CLPB: variants seen among roughly 807,000 people sequenced by gnomAD.
CLPB encodes mitochondrial disaggregase.
A neutral mutation model predicts 78.4 loss-of-function variants in CLPB; 40 were observed. The observed-to-expected ratio is 0.51, with a 90% CI of 0.40 to 0.66. CLPB has a LOEUF of 0.66. Among genes scored for constraint, CLPB ranks in the 30% least tolerant of loss-of-function variants. The pLI is 0.00. For missense variants in CLPB, 780 were observed against 886.9 expected (o/e 0.88, Z 1.53); for synonymous variants, 333 against 348.0 (o/e 0.96, Z 0.48).
intron 6 of CLPB, among the ~76,000 whole-genome samples, chr11:72,321,297 C>T (rs1289763700): frequency 2.6e-5 from 4 of 152,086 alleles, no homozygotes; most frequent in Non-Finnish European, 4.4e-5. Context: ...TGAGAGGCAC[C>T]GTAAAGGAGC....
chr11:72,295,927 T>C (rs1949544037), intron 11 of CLPB, among the ~76,000 whole-genome samples: 1 of 152,226 alleles, frequency 6.6e-6, no homozygotes, highest in South Asian at 2.1e-4. Context: ...CAACTATCCC[T>C]GGCATGCAGA....
chr11:72,387,659 TA>T (rs1222908564), intron 3 of CLPB, among the ~76,000 whole-genome samples: 249 of 141,564 alleles, frequency 1.8e-3, no homozygotes, highest in Admixed American at 2.0e-3. Context: ...CCTGACACAT[TA>T]AAAAAAAAAA....
chr11:72,428,340 G>C (rs987908126), intron 2 of CLPB, among the ~76,000 whole-genome samples: 14 of 152,110 alleles, frequency 9.2e-5, no homozygotes, highest in African/African-American at 3.4e-4. Flanking sequence ...GCCTTAACTG[G>C]GTCATTCCCC....
intron 5 of CLPB, among the ~76,000 whole-genome samples, chr11:72,333,690 C>T (rs543305666): frequency 2.0e-5 from 3 of 152,240 alleles, no homozygotes; most frequent in South Asian, 2.1e-4. Flanking sequence ...GAGGGACAGG[C>T]GGCACTGGGG....
chr11:72,400,223 G>C (rs1032581837), intron 3 of CLPB, among the ~76,000 whole-genome samples: 3 of 150,658 alleles, frequency 2.0e-5, no homozygotes, highest in Admixed American at 2.0e-4. Context: ...AACAGTAGGG[G>C]CCAAAAAAAA....
chr11:72,374,140 G>A (rs1951096832), intron 4 of CLPB, among the ~76,000 whole-genome samples: 2 of 152,238 alleles, frequency 1.3e-5, no homozygotes, highest in Middle Eastern at 6.8e-3. Context: ...AGTACCCCTT[G>A]AGTGGTGAGT....
At chr11:72,317,312 G>A in intron 6 of CLPB, 92 bp from the exon 7 acceptor site, 2 of 861,738 alleles carry the variant, frequency 2.3e-6, no homozygotes, top group Non-Finnish European at 3.5e-6. Context: ...ACACAGGTCT[G>A]GGTATCCAGG....
Position 72,289,249 on chromosome 11 carries a change from A to T in CLPB, c.*4118T>A, listed in dbSNP as rs890144504. 13 of 152,128 alleles carry T rather than the reference A, an allele frequency of 8.5e-5. No homozygotes were observed. The highest frequency in any genetic ancestry group is 1.8e-4 in the Non-Finnish European group (12 of 68,028). 9.4% of individuals were successfully genotyped at this position (152,128 alleles called of 1,614,324 possible). A position where few individuals can be genotyped will look rare whatever the true frequency, so the allele number is the denominator to read the frequency against. On this transcript the variant is annotated 3_prime_UTR_variant, in exon 16 of 16. Transcript: ENST00000538039. ...GGTTCTACCCCTGTCTCCTTATCCTATTCTCAGGAAGGTGGCCATTGGCTT... is the reference window on the plus strand; with the variant it reads ...GGTTCTACCCCTGTCTCCTTATCCTTTTCTCAGGAAGGTGGCCATTGGCTT...
In CLPB at chr11:72,336,035, G is replaced by A. The variant is rs374770411; in HGVS notation, c.776-6231C>T. ...GCGAAGTGGGGAAGAAGTGGTTGGAGAGAGAGGCCCACCTGCCTTTCCTAG... is the reference window on the plus strand; with the variant it reads ...GCGAAGTGGGGAAGAAGTGGTTGGAAAGAGAGGCCCACCTGCCTTTCCTAG... On this transcript the variant is annotated intron_variant, in intron 5 of 15. Transcript: ENST00000538039. Among the ~76,000 whole-genome samples the A allele has an allele frequency of 5.3e-5, 8 of 152,152 alleles. No homozygotes were observed. In the East Asian group the frequency reaches 1.6e-3, roughly 30 times the overall value.
rs182621183 is a variant in CLPB at position 72,324,581 on chromosome 11, T to G, written c.873+5126A>C. Among the ~76,000 whole-genome samples the G allele has an allele frequency of 5.3e-3, 795 of 151,246 alleles. 35 individuals carry two copies. Among genetic ancestry groups the G allele is most frequent in the Non-Finnish European group, 1.1e-3 (72 of 67,750 alleles). ...CTTCATCTCAAAAAAAAGAAAAAAA[T>G]AAAAATAAATAAAAGTTAAAAAAAG... On this transcript the variant is annotated intron_variant, in intron 6 of 15. Coordinates refer to ENST00000538039, the MANE Select transcript of CLPB (RefSeq NM_001258392.3).
At chr11:72,391,701 C>A (rs1025949038) in intron 3 of CLPB, among the ~76,000 whole-genome samples, 1 of 152,164 alleles carries the variant, frequency 6.6e-6, no homozygotes, top group Non-Finnish European at 1.5e-5. Context: ...ATGTTCCTCT[C>A]CTGAACAGTA....
intron 5 of CLPB, among the ~76,000 whole-genome samples, chr11:72,330,860 G>A (rs2135551689): frequency 6.6e-6 from 1 of 152,244 alleles, no homozygotes; most frequent in African/African-American, 2.4e-5. Context: ...ACTGTCTGAA[G>A]TAAAGAAGGT....
At chr11:72,305,270 C>G (rs182367168) in intron 9 of CLPB, among the ~76,000 whole-genome samples, 75 of 152,308 alleles carry the variant, frequency 4.9e-4, no homozygotes, top group African/African-American at 1.7e-3. Flanking sequence ...CCTAAGAATG[C>G]TGTAGGGCCT....
intron 10 of CLPB, 42 bp downstream of exon 10, chr11:72,302,262 G>A (rs1949670039): frequency 6.3e-7 from 1 of 1,597,364 alleles, no homozygotes; most frequent in Admixed American, 1.7e-5. Context: ...ATGCTGACAA[G>A]CCCTCCAAAC....
intron 2 of CLPB, among the ~76,000 whole-genome samples, chr11:72,416,515 C>T (rs986659030): frequency 5.3e-5 from 8 of 152,028 alleles, no homozygotes; most frequent in Admixed American, 6.5e-5. Flanking sequence ...GCAGGCAGAT[C>T]ACCTGAGGTC....
chr11:72,402,215 C>A (rs552840180), intron 3 of CLPB, among the ~76,000 whole-genome samples: 2 of 152,118 alleles, frequency 1.3e-5, no homozygotes, highest in Non-Finnish European at 2.9e-5. Context: ...AGCCATAGAT[C>A]GTACCACTGC....
At chr11:72,319,225 C>G (rs537247875) in intron 6 of CLPB, among the ~76,000 whole-genome samples, 1 of 152,312 alleles carries the variant, frequency 6.6e-6, no homozygotes, top group South Asian at 2.1e-4. Flanking sequence ...GACCCTGGGA[C>G]CTCTGGTACA....
At chr11:72,369,694 C>T (rs1307170887) in intron 4 of CLPB, among the ~76,000 whole-genome samples, 2 of 152,152 alleles carry the variant, frequency 1.3e-5, no homozygotes, top group African/African-American at 2.4e-5. Context: ...ACTAATAAAC[C>T]TCAACACTTG....
intron 3 of CLPB, among the ~76,000 whole-genome samples, chr11:72,384,263 T>C (rs1242964419): frequency 6.6e-6 from 1 of 152,244 alleles, no homozygotes; most frequent in Non-Finnish European, 1.5e-5. Context: ...CTTTTATCTT[T>C]AGTATTAAGG....
Sources: allele counts gnomAD v4.1 joint callset (sites outside exome capture counted in the v4.1 genomes callset), GRCh38; gene constraint gnomAD v4.1.1; transcripts MANE v1.5; gene names NCBI Gene and HGNC (gene_info 2026-07-23, HGNC 2026-07-21).